The following PARPBP variants were observed in gnomAD, a reference collection of about 807,000 sequenced individuals.
The protein encoded by PARPBP is PCNA-interacting partner.
A neutral mutation model predicts 50.0 loss-of-function variants in PARPBP; 52 were observed. That is an observed-to-expected ratio of 1.04 (90% CI 0.83 to 1.31). The LOEUF is 1.31. Ranked by LOEUF, PARPBP falls within the 50% of genes most tolerant of loss-of-function variation. The pLI, the probability that PARPBP is intolerant of heterozygous loss-of-function variation, is 0.00. For synonymous variants in PARPBP, 244 were observed against 232.1 expected, an observed-to-expected ratio of 1.05 and a Z score of -0.47; for missense variants, 697 against 672.0, an observed-to-expected ratio of 1.04 and a Z score of -0.41.
chr12:102,162,907 T>C (rs1446134974), intron 4 of PARPBP, among the ~76,000 whole-genome samples: 1 of 152,242 alleles, frequency 6.6e-6, no homozygotes, highest in South Asian at 2.1e-4. Flanking sequence ...TCTGGTGTCT[T>C]ATGTAAGAAC....
chr12:102,197,053 G>A lies in PARPBP; in HGVS notation c.*762G>A, dbSNP rs767355648. Reference sequence around the variant, plus strand: ...TTCTCTCTTTTCTTGTGTTGATTCAGTATTCTGAACTCCATTCTCAGCTGG... The same window carrying A: ...TTCTCTCTTTTCTTGTGTTGATTCAATATTCTGAACTCCATTCTCAGCTGG... On this transcript the variant is annotated 3_prime_UTR_variant, in exon 11 of 11. Coordinates refer to ENST00000327680, the MANE Select transcript of PARPBP (RefSeq NM_017915.5). 6.2e-7 allele frequency: 1 copy of A among 1,611,930 alleles called. No homozygotes were observed. Among genetic ancestry groups the A allele is most frequent in the Non-Finnish European group, 8.5e-7 (1 of 1,178,526 alleles).
At chr12:102,179,395 G>T (rs1042186254) in intron 8 of PARPBP, among the ~76,000 whole-genome samples, 1 of 152,172 alleles carries the variant, frequency 6.6e-6, no homozygotes, top group Non-Finnish European at 1.5e-5. Context: ...CGTCTACTCA[G>T]GCTGGCATAA....
rs145589090 is a variant in PARPBP, at chr12:102,162,507, G to A, written c.496-1931G>A. ...GAAGTAGTTGAGAAGGCAAAAATAGGAAGAAAATTCCATGCAAGGAATTTA... is the reference window on the plus strand; with the variant it reads ...GAAGTAGTTGAGAAGGCAAAAATAGAAAGAAAATTCCATGCAAGGAATTTA... On this transcript the variant is annotated intron_variant, in intron 4 of 10. Transcript: ENST00000327680. Among the ~76,000 whole-genome samples, 332 of 152,260 alleles carry A rather than the reference G, an allele frequency of 2.2e-3. 2 individuals are homozygous for A. The highest frequency in any genetic ancestry group is 3.8e-3 in the Non-Finnish European group (261 of 68,008).
At chr12:102,188,801 G>GA (rs1167476733) in intron 9 of PARPBP, among the ~76,000 whole-genome samples, 1 of 151,862 alleles carries the variant, frequency 6.6e-6, no homozygotes, top group African/African-American at 2.4e-5. Context: ...CAAAATATAT[G>GA]AAAAAAATGG....
intron 2 of PARPBP, 69 bp downstream of exon 2, chr12:102,124,110 ACTTAAG>A: frequency 2.9e-6 from 3 of 1,037,126 alleles, no homozygotes; most frequent in Non-Finnish European, 4.3e-6. Context: ...ATTTGAATAA[ACTTAAG>A]CTTAAGAATA....
chr12:102,160,506 T>C (rs1887446294), intron 4 of PARPBP, among the ~76,000 whole-genome samples: 1 of 152,220 alleles, frequency 6.6e-6, no homozygotes, highest in African/African-American at 2.4e-5. Context: ...TTTCGGTAAA[T>C]TGTGTTATTC....
intron 2 of PARPBP, among the ~76,000 whole-genome samples, chr12:102,146,397 C>T (rs1392482460): frequency 6.6e-6 from 1 of 152,068 alleles, no homozygotes; most frequent in African/African-American, 2.4e-5. Flanking sequence ...GAACAGAGCC[C>T]TCGGAAATAA....
At chr12:102,123,427 G>C (rs1881462136) in intron 1 of PARPBP, among the ~76,000 whole-genome samples, 1 of 151,462 alleles carries the variant, frequency 6.6e-6, no homozygotes, top group South Asian at 2.1e-4. Flanking sequence ...GCCTGGTCCA[G>C]ATTCAAAAGG....
At position 102,165,878 on chromosome 12, in the gene PARPBP, C is replaced by A. The variant is rs770613622; in HGVS notation, c.816C>A (p.Asn272Lys). 8 of 1,530,394 alleles carry A rather than the reference C, an allele frequency of 5.2e-6. No homozygotes were observed. In the South Asian group the frequency reaches 9.3e-5, roughly 18 times the overall value. 94.8% of individuals were successfully genotyped at this position (1,530,394 alleles called of 1,614,324 possible). The change falls in exon 6 of 11, where the codon AAC becomes AAA. Residue 272 changes from asparagine to lysine, a missense_variant. Transcript: ENST00000327680. The stretch of plus-strand genomic sequence containing the variant: ...ATGAGATTCTTGGAGAAATACCAAA[C>A]CCAAGGTAATGACTTTTCATATATT... ...KLDEILGEIP[N>K]PSIAGGQILS...
At chr12:102,172,969 C>T (rs1024940984) in intron 6 of PARPBP, among the ~76,000 whole-genome samples, 25 of 152,296 alleles carry the variant, frequency 1.6e-4, no homozygotes, top group Non-Finnish European at 3.2e-4. Flanking sequence ...ACTCAGACTT[C>T]TGATTACAGA....
intron 2 of PARPBP, among the ~76,000 whole-genome samples, chr12:102,143,959 G>A (rs968452171): frequency 6.6e-6 from 1 of 151,666 alleles, no homozygotes; most frequent in Non-Finnish European, 1.5e-5. Flanking sequence ...AAATTGTATT[G>A]CATTTTATCA....
chr12:102,180,676 GCAC>G (rs1477233148), intron 8 of PARPBP, among the ~76,000 whole-genome samples: 3 of 152,170 alleles, frequency 2.0e-5, no homozygotes, highest in African/African-American at 7.2e-5. Context: ...AGCTATGATT[GCAC>G]CACTGCACTC....
chr12:102,153,907 AG>A lies in PARPBP; in HGVS notation c.427del (p.Val143Ter), dbSNP rs756449743. 6.2e-7 allele frequency: 1 copy of A among 1,611,144 alleles called. No homozygotes were observed. The highest frequency in any genetic ancestry group is 1.1e-5 in the South Asian group (1 of 91,020). On this transcript the variant is annotated frameshift_variant, in exon 4 of 11. Coordinates refer to ENST00000327680, the MANE Select transcript of PARPBP (RefSeq NM_017915.5). LOFTEE classifies it high-confidence loss of function. ...LDFLSGKQYA[V>X]GDETDLSIPT... The stretch of plus-strand genomic sequence containing the variant: ...ATTTTCTGTCTGGCAAACAGTATGC[AG>A]TAGGTGATGAAACTGATCTTTCTAT...
chr12:102,123,327 T>C (rs886241723), intron 1 of PARPBP, among the ~76,000 whole-genome samples: 1 of 152,164 alleles, frequency 6.6e-6, no homozygotes, highest in Non-Finnish European at 1.5e-5. Context: ...CCTATTGTAT[T>C]AGTACTTCTG....
intron 2 of PARPBP, among the ~76,000 whole-genome samples, chr12:102,134,238 C>CAAAAAAAA (rs771158918): frequency 2.2e-5 from 2 of 91,332 alleles, no homozygotes; most frequent in African/African-American, 7.7e-5. Context: ...AGAGAAGCCT[C>CAAAAAAAA]AAAAAAAAAA....
chr12:102,164,088 C>T (rs992965329), intron 4 of PARPBP, among the ~76,000 whole-genome samples: 8 of 152,104 alleles, frequency 5.3e-5, no homozygotes, highest in African/African-American at 1.4e-4. Context: ...ATTGTGTTTT[C>T]GTGCTAGTGG....
chr12:102,148,487 A>G (rs752933973), intron 3 of PARPBP, 24 bp downstream of exon 3: 4 of 888,680 alleles, frequency 4.5e-6, no homozygotes, highest in Non-Finnish European at 5.2e-6. Context: ...AAACAATTCT[A>G]TTTTAATCAA....
intron 4 of PARPBP, among the ~76,000 whole-genome samples, chr12:102,161,017 C>G (rs562378549): frequency 5.9e-5 from 9 of 151,946 alleles, no homozygotes; most frequent in African/African-American, 2.2e-4. Flanking sequence ...TTAGGAGAAG[C>G]CTTAAAGCTT....
At chr12:102,151,893 C>G (rs1163241836) in intron 3 of PARPBP, 2 of 873,690 alleles carry the variant, frequency 2.3e-6, no homozygotes, top group Non-Finnish European at 3.5e-6. Flanking sequence ...AACCAGGGAC[C>G]CAAGGAGCTT....
Sources: allele counts gnomAD v4.1 joint callset (sites outside exome capture counted in the v4.1 genomes callset), GRCh38; gene constraint gnomAD v4.1.1; transcripts MANE v1.5; gene names NCBI Gene and HGNC (gene_info 2026-07-23, HGNC 2026-07-21).